PLXNA4: variants seen among roughly 807,000 people sequenced by gnomAD.
PLXNA4 encodes the protein plexin A4.
PLXNA4 carries 44 observed loss-of-function variants against 191.8 expected under a neutral mutation model. The observed-to-expected ratio is 0.23, with a 90% CI of 0.18 to 0.29. The LOEUF (loss-of-function observed/expected upper bound fraction) is 0.29. PLXNA4 is among the 10% of genes least tolerant of loss of function. The pLI is 1.00. For missense variants in PLXNA4, 1,800 were observed against 2,488.8 expected, an observed-to-expected ratio of 0.72 and a Z score of 5.89; for synonymous variants, 1,082 against 1,009.5, an observed-to-expected ratio of 1.07 and a Z score of -1.36.
Position 132,508,708 on chromosome 7 carries a change from C to A in PLXNA4, c.-15G>T, listed in dbSNP as rs1221929737. 6.7e-7 allele frequency: 1 copy of A among 1,490,050 alleles called. No homozygotes were observed. The highest frequency in any genetic ancestry group is 8.9e-7 in the Non-Finnish European group (1 of 1,121,590). 92.3% of individuals were successfully genotyped at this position (1,490,050 alleles called of 1,614,324 possible). ...ATGGCTTTCATGGCAGAGGCGGGTCCCAGTGGCACAGCAGCACTCAGGCAC... is the reference window on the plus strand; with the variant it reads ...ATGGCTTTCATGGCAGAGGCGGGTCACAGTGGCACAGCAGCACTCAGGCAC... On this transcript the variant is annotated 5_prime_UTR_variant, in exon 2 of 32. Transcript: ENST00000321063. This position sits in a 1 kb window ranked among gnomAD's most constrained non-coding sequence, Gnocchi z 4.4.
intron 4 of PLXNA4, among the ~76,000 whole-genome samples, chr7:132,265,858 C>T (rs544998803): frequency 1.0e-3 from 155 of 152,232 alleles, no homozygotes; most frequent in Admixed American, 2.0e-3. Flanking sequence ...CTTGGGGAAT[C>T]CACAAACCAC....
chr7:132,205,604 T>C (rs1398079799), intron 10 of PLXNA4, among the ~76,000 whole-genome samples: 2 of 152,084 alleles, frequency 1.3e-5, no homozygotes, highest in Non-Finnish European at 2.9e-5. Flanking sequence ...ATCTCTCTCC[T>C]TGAAAGTCCC....
At chr7:132,451,243 C>T (rs997353768) in intron 3 of PLXNA4, among the ~76,000 whole-genome samples, 1 of 152,212 alleles carries the variant, frequency 6.6e-6, no homozygotes, top group Non-Finnish European at 1.5e-5. Context: ...AGCATCTCAT[C>T]TTAAGGAGCG....
intron 3 of PLXNA4, among the ~76,000 whole-genome samples, chr7:132,299,093 G>A (rs1006161911): frequency 6.6e-6 from 1 of 152,188 alleles, no homozygotes; most frequent in African/African-American, 2.4e-5. Flanking sequence ...GTGTTTGAGT[G>A]CATAGATCCA....
chr7:132,451,432 A>G (rs974152497), intron 3 of PLXNA4, among the ~76,000 whole-genome samples: 1 of 152,238 alleles, frequency 6.6e-6, no homozygotes, highest in Non-Finnish European at 1.5e-5. Context: ...AGCAGCTTAG[A>G]GGGTATTTGA....
intron 29 of PLXNA4, 116 bp from the exon 30 acceptor site, chr7:132,140,927 C>A: frequency 1.3e-6 from 2 of 1,494,550 alleles, no homozygotes; most frequent in Non-Finnish European, 1.8e-6. Flanking sequence ...AACTTAAGAG[C>A]CTTCTCTATG....
At chr7:132,444,883 G>A (rs1352864178) in intron 3 of PLXNA4, among the ~76,000 whole-genome samples, 2 of 151,842 alleles carry the variant, frequency 1.3e-5, no homozygotes, top group Non-Finnish European at 2.9e-5. Context: ...TTGGTTCTCG[G>A]CTGGGCGCGG....
intron 4 of PLXNA4, among the ~76,000 whole-genome samples, chr7:132,261,202 G>C (rs550936471): frequency 4.1e-4 from 62 of 152,334 alleles, no homozygotes; most frequent in African/African-American, 1.4e-3. Flanking sequence ...ACTGCCACCA[G>C]TACTGGGGCT....
At chr7:132,503,322 C>T (rs1798330312) in intron 2 of PLXNA4, among the ~76,000 whole-genome samples, 1 of 152,156 alleles carries the variant, frequency 6.6e-6, no homozygotes, top group African/African-American at 2.4e-5. Flanking sequence ...ATATGTTTCA[C>T]CATTCATTAG....
chr7:132,297,458 G>A (rs934999924), intron 4 of PLXNA4, among the ~76,000 whole-genome samples: 5 of 152,058 alleles, frequency 3.3e-5, no homozygotes, highest in African/African-American at 4.8e-5. Context: ...AACTCACTTC[G>A]TTCTCAGCTC....
At chr7:132,440,256 A>G (rs148400272) in intron 3 of PLXNA4, among the ~76,000 whole-genome samples, 1 of 152,298 alleles carries the variant, frequency 6.6e-6, no homozygotes, top group Non-Finnish European at 1.5e-5. Flanking sequence ...GTGCTTCTCA[A>G]TTCTTTGAGG....
chr7:132,271,431 GAAAAAA>G (rs5887561), intron 4 of PLXNA4, among the ~76,000 whole-genome samples: 2 of 128,480 alleles, frequency 1.6e-5, no homozygotes, highest in East Asian at 4.5e-4. Context: ...AGTCACTTAG[GAAAAAA>G]AAAAAAAAAA....
In PLXNA4 at chr7:132,126,762, G is replaced by C. The variant is rs1274524635; in HGVS notation, c.*3717C>G. ...CACTTACCAGGCTGCGGGTGCACAA[G>C]GGGTAGGCTTTAGGGGCTGGCTTTG... On this transcript the variant is annotated 3_prime_UTR_variant, in exon 32 of 32. Transcript: ENST00000321063. The C allele has an allele frequency of 6.6e-6, 1 of 152,206 alleles. No homozygotes were observed. The highest frequency in any genetic ancestry group is 1.5e-5 in the Non-Finnish European group (1 of 68,050). The allele number at this position is 152,206 out of a possible 1,614,324, so 9.4% of individuals were successfully genotyped here.
rs73723736 is a variant in PLXNA4, at chr7:132,208,116, T to C, written c.2298+2827A>G. 9.4e-3 allele frequency among the ~76,000 whole-genome samples: 1,429 copies of C among 152,256 alleles called. 27 individuals carry two copies. The highest frequency in any genetic ancestry group is 0.032 in the African/African-American group (1,350 of 41,542). On this transcript the variant is annotated intron_variant, in intron 10 of 31. Transcript: ENST00000321063. Reference sequence around the variant, plus strand: ...GCCCCGATCATGACCCCAAAGATATTTGATGGAAATTGCTTGATGGTAAGA... The same window carrying C: ...GCCCCGATCATGACCCCAAAGATATCTGATGGAAATTGCTTGATGGTAAGA...
intron 1 of PLXNA4, among the ~76,000 whole-genome samples, chr7:132,545,740 G>A (rs1483467531): frequency 6.6e-6 from 1 of 152,202 alleles, no homozygotes; most frequent in Non-Finnish European, 1.5e-5. Flanking sequence ...TGGAACTAAG[G>A]TGTTAAGAAG....
intron 3 of PLXNA4, among the ~76,000 whole-genome samples, chr7:132,350,960 G>T (rs2116802344): frequency 6.6e-6 from 1 of 152,326 alleles, no homozygotes; most frequent in Middle Eastern, 3.4e-3. Flanking sequence ...GCAAGGAAAA[G>T]GAATGAAGTA....
At chr7:132,151,586 GAGAAAGGAGGAGA>G in intron 25 of PLXNA4, among the ~76,000 whole-genome samples, 1 of 71,606 alleles carries the variant, frequency 1.4e-5, no homozygotes, top group African/African-American at 3.2e-5. Flanking sequence ...AAAGGAGGAG[GAGAAAGGAGGAGA>G]GGGAGAGGGA....
intron 2 of PLXNA4, among the ~76,000 whole-genome samples, chr7:132,614,164 TTTTA>T (rs1307834057): frequency 6.6e-6 from 1 of 152,238 alleles, no homozygotes; most frequent in East Asian, 1.9e-4. Context: ...TAAAATTACA[TTTTA>T]TTTATTTAAC....
chr7:132,341,885 T>A (rs1185440519), intron 3 of PLXNA4, among the ~76,000 whole-genome samples: 1 of 152,172 alleles, frequency 6.6e-6, no homozygotes, highest in African/African-American at 2.4e-5. Context: ...GGTGCTATTA[T>A]CTAATGAGAA....
Sources: gnomAD v4.1 joint callset for allele counts (sites outside exome capture counted in the v4.1 genomes callset) on GRCh38, gnomAD v4.1.1 for gene constraint, Gnocchi (gnomAD v3.1) non-coding constraint, MANE v1.5 for transcripts, NCBI Gene and HGNC (gene_info 2026-07-23, HGNC 2026-07-21) for gene names.